TLN2: variants seen among roughly 807,000 people sequenced by gnomAD.
The protein encoded by TLN2 is talin 2.
A neutral mutation model predicts 294.7 loss-of-function variants in TLN2; 118 were observed. The observed-to-expected ratio is 0.40, with a 90% CI of 0.34 to 0.47. The LOEUF is 0.47. Among genes scored for constraint, TLN2 ranks in the 20% least tolerant of loss-of-function variants. The pLI is 0.84. For missense variants in TLN2, 3,083 were observed against 3,282.2 expected (o/e 0.94, Z 1.48); for synonymous variants, 1,431 against 1,304.5 (o/e 1.10, Z -2.09).
intron 32 of TLN2, among the ~76,000 whole-genome samples, chr15:62,741,412 G>T (rs75726392): frequency 0.014 from 2,087 of 152,268 alleles, 22 homozygotes; most frequent in African/African-American, 0.031. Context: ...CTGCTCCAGG[G>T]CCACAAGTTA....
intron 3 of TLN2, among the ~76,000 whole-genome samples, chr15:62,639,232 T>TA (rs1491218172): frequency 1.4e-3 from 4 of 2,794 alleles, no homozygotes; most frequent in South Asian, 0.14. Context: ...AGGTTATAGA[T>TA]CTATATCTAT....
At position 62,750,390 on chromosome 15, in the gene TLN2, C is replaced by A. The variant is rs753499419; in HGVS notation, c.4120-12C>A. ...ATTTGCTTGCTTTTTATGTTGTGTTCTTCTTCTGTAGACTGTGAAGGGGAT... is the reference window on the plus strand; with the variant it reads ...ATTTGCTTGCTTTTTATGTTGTGTTATTCTTCTGTAGACTGTGAAGGGGAT... On this transcript the variant is annotated splice_polypyrimidine_tract_variant and intron_variant, in intron 33 of 58. Transcript: ENST00000636159. 1 of 1,611,554 alleles carries A rather than the reference C, an allele frequency of 6.2e-7. No homozygotes were observed. Among genetic ancestry groups the A allele is most frequent in the South Asian group, 1.1e-5 (1 of 90,990 alleles).
At chr15:62,704,042 G>C (rs182799136) in intron 19 of TLN2, among the ~76,000 whole-genome samples, 96 of 152,270 alleles carry the variant, frequency 6.3e-4, no homozygotes, top group African/African-American at 2.2e-3. Context: ...TTCTGGCCCA[G>C]GTTCTCTGAA....
At chr15:62,752,812 G>A (rs1178358438) in intron 35 of TLN2, among the ~76,000 whole-genome samples, 2 of 152,194 alleles carry the variant, frequency 1.3e-5, no homozygotes, top group Non-Finnish European at 2.9e-5. Flanking sequence ...GAATCAGAGA[G>A]AGAAAAAAAT....
At chr15:62,573,975 A>C (rs1362564846) in intron 1 of TLN2, among the ~76,000 whole-genome samples, 6 of 152,064 alleles carry the variant, frequency 3.9e-5, no homozygotes, top group African/African-American at 1.4e-4. Context: ...CTTTGAGTCA[A>C]AGGCGGGGAA....
intron 1 of TLN2, among the ~76,000 whole-genome samples, chr15:62,457,712 G>C (rs2036563121): frequency 6.6e-6 from 1 of 152,168 alleles, no homozygotes; most frequent in Admixed American, 6.5e-5. Flanking sequence ...CAAAGGGGAG[G>C]AGTGCAAGAG....
At chr15:62,561,042 A>C (rs2042917094) in intron 1 of TLN2, among the ~76,000 whole-genome samples, 1 of 152,260 alleles carries the variant, frequency 6.6e-6, no homozygotes, top group East Asian at 1.9e-4. Context: ...GGGAAAAGAA[A>C]TCATTATTCC....
chr15:62,570,758 T>C (rs2043800138), intron 1 of TLN2, among the ~76,000 whole-genome samples: 1 of 152,198 alleles, frequency 6.6e-6, no homozygotes, highest in African/African-American at 2.4e-5. Context: ...CAGTGGTGGA[T>C]ACCAAAAATT....
rs375121217 is a variant in TLN2 at position 62,600,876 on chromosome 15, G to A, written c.-162+11114G>A. ...AGAACTTAAAAATTATCTACATTAT[G>A]TTATTGTGCCAAAAATGTAAACGTT... On this transcript the variant is annotated intron_variant, in intron 2 of 58. Coordinates refer to ENST00000636159, the MANE Select transcript of TLN2 (RefSeq NM_015059.3). Among the ~76,000 whole-genome samples the A allele has an allele frequency of 6.1e-4, 93 of 152,114 alleles. 1 individual carries two copies. Among genetic ancestry groups the A allele is most frequent in the African/African-American group, 2.1e-3 (89 of 41,508 alleles).
chr15:62,566,105 T>A (rs1317891503), intron 1 of TLN2, among the ~76,000 whole-genome samples: 1 of 152,078 alleles, frequency 6.6e-6, no homozygotes, highest in Non-Finnish European at 1.5e-5. Flanking sequence ...ATGACTGAGA[T>A]AAAGCATGGC....
intron 1 of TLN2, among the ~76,000 whole-genome samples, chr15:62,520,744 G>A (rs1357654335): frequency 6.6e-6 from 1 of 152,076 alleles, no homozygotes; most frequent in Non-Finnish European, 1.5e-5. Context: ...CTTAATAGTT[G>A]TTTATTTTTT....
At chr15:62,785,247 TA>T (rs908725559) in intron 45 of TLN2, among the ~76,000 whole-genome samples, 67 of 152,294 alleles carry the variant, frequency 4.4e-4, no homozygotes, top group African/African-American at 1.5e-3. Flanking sequence ...ATTTTTTTTT[TA>T]AATAGACTCC....
intron 55 of TLN2, chr15:62,833,977 G>A (rs1488999367): frequency 1.7e-5 from 3 of 172,346 alleles, no homozygotes; most frequent in Admixed American, 6.3e-5. Context: ...CACCGCATTC[G>A]GCGGCTTTTA....
intron 52 of TLN2, among the ~76,000 whole-genome samples, chr15:62,816,039 C>A (rs1217727563): frequency 6.6e-6 from 1 of 152,150 alleles, no homozygotes. Flanking sequence ...ACAGGTTGAT[C>A]CCCAAACTGT....
chr15:62,732,412 AG>A (rs1436130596), intron 28 of TLN2, among the ~76,000 whole-genome samples: 1 of 152,232 alleles, frequency 6.6e-6, no homozygotes, highest in Non-Finnish European at 1.5e-5. Flanking sequence ...GGATGATGGA[AG>A]GAACTGAAGA....
At chr15:62,443,932 G>T (rs2035683209) in intron 1 of TLN2, among the ~76,000 whole-genome samples, 1 of 152,200 alleles carries the variant, frequency 6.6e-6, no homozygotes, top group Non-Finnish European at 1.5e-5. Flanking sequence ...CCATGGCAGT[G>T]AGCCATGATT....
chr15:62,556,630 A>G (rs952447188), intron 1 of TLN2, among the ~76,000 whole-genome samples: 3 of 152,184 alleles, frequency 2.0e-5, no homozygotes, highest in Non-Finnish European at 2.9e-5. Flanking sequence ...TGGTTCCTGT[A>G]TCTGACCATT....
chr15:62,491,816 T>C (rs2038742100), intron 1 of TLN2, among the ~76,000 whole-genome samples: 1 of 152,188 alleles, frequency 6.6e-6, no homozygotes, highest in Non-Finnish European at 1.5e-5. Context: ...AGAATCTCAC[T>C]GCTTGCTTCC....
intron 1 of TLN2, among the ~76,000 whole-genome samples, chr15:62,460,970 G>A (rs924836777): frequency 2.6e-5 from 4 of 151,944 alleles, no homozygotes; most frequent in Non-Finnish European, 5.9e-5. Flanking sequence ...TTTTAAGACA[G>A]AGTCTCGCTC....
Sources: gnomAD v4.1 joint callset for allele counts (sites outside exome capture counted in the v4.1 genomes callset) on GRCh38, gnomAD v4.1.1 for gene constraint, MANE v1.5 for transcripts, NCBI Gene and HGNC (gene_info 2026-07-23, HGNC 2026-07-21) for gene names.